DNAH3: variants seen among roughly 807,000 people sequenced by gnomAD.
DNAH3 encodes dynein axonemal heavy chain 3.
In DNAH3, 332 loss-of-function variants were observed where a neutral mutation model predicts 432.5. That is an observed-to-expected ratio of 0.77 (90% CI 0.70 to 0.84). The LOEUF is 0.84. DNAH3 is among the 40% of genes least tolerant of loss of function. The pLI is 0.00. For synonymous variants in DNAH3, 1,956 were observed against 1,900.2 expected, an observed-to-expected ratio of 1.03 and a Z score of -0.76; for missense variants, 4,861 against 5,114.0, an observed-to-expected ratio of 0.95 and a Z score of 1.51.
At chr16:21,017,659 G>A (rs956235107) in intron 41 of DNAH3, among the ~76,000 whole-genome samples, 5 of 152,142 alleles carry the variant, frequency 3.3e-5, no homozygotes, top group African/African-American at 1.2e-4. Context: ...TGTGTCACAG[G>A]CATGCGTCCT....
chr16:21,047,147 ATG>A (rs2089738104), intron 31 of DNAH3, among the ~76,000 whole-genome samples: 1 of 148,712 alleles, frequency 6.7e-6, no homozygotes, highest in African/African-American at 2.5e-5. Context: ...TCTGACAATT[ATG>A]TGTCTTGGAG....
At position 20,985,076 on chromosome 16, in the gene DNAH3, C is replaced by G; in HGVS notation, c.7665+1G>C. The G allele has an allele frequency of 2.5e-6, 4 of 1,609,316 alleles. No homozygotes were observed. Among genetic ancestry groups the G allele is most frequent in the Non-Finnish European group, 3.4e-6 (4 of 1,176,952 alleles). ...AGGACAATGTGAAGGTTCTTTCTCA[C>G]CCTCTCAATAAAGAAGTTATACATA... On this transcript the variant is annotated splice_donor_variant, in intron 48 of 61. Coordinates refer to ENST00000261383, the Ensembl canonical transcript of DNAH3. LOFTEE classifies it high-confidence loss of function.
intron 48 of DNAH3, among the ~76,000 whole-genome samples, chr16:20,984,314 T>G (rs1400667901): frequency 5.3e-5 from 8 of 151,914 alleles, no homozygotes; most frequent in African/African-American, 1.9e-4. Context: ...GCTAGAATGA[T>G]TAGAAAGTTG....
At chr16:20,942,248 T>C (rs382339) in intron 58 of DNAH3, among the ~76,000 whole-genome samples, 10,130 of 152,174 alleles carry the variant, frequency 0.067, 400 homozygotes, top group East Asian at 0.13. Flanking sequence ...CCTGGTGCCA[T>C]GGGGCCCTTT....
chr16:20,982,006 A>C (rs1193308646), intron 49 of DNAH3, among the ~76,000 whole-genome samples: 2 of 142,926 alleles, frequency 1.4e-5, no homozygotes, highest in Non-Finnish European at 3.0e-5. Context: ...ATAATATATA[A>C]TATATATAAT....
intron 38 of DNAH3, among the ~76,000 whole-genome samples, chr16:21,025,675 T>C (rs2088514336): frequency 6.6e-6 from 1 of 151,980 alleles, no homozygotes; most frequent in African/African-American, 2.4e-5. Flanking sequence ...TACTTTATTA[T>C]ACATATTACA....
chr16:21,099,272 GGACA>G (rs143234595), intron 16 of DNAH3, among the ~76,000 whole-genome samples: 8 of 145,658 alleles, frequency 5.5e-5, no homozygotes, highest in Non-Finnish European at 7.6e-5. Flanking sequence ...ATGGATGGAT[GGACA>G]GATGGATGGA....
Position 20,964,696 on chromosome 16 carries a change from G to A in DNAH3, c.9188C>T (p.Ser3063Phe), listed in dbSNP as rs1347566158. The A allele has an allele frequency of 2.5e-6, 4 of 1,614,184 alleles. No homozygotes were observed. The Admixed American group carries it at 5.0e-5, about 20-fold the overall frequency. ...AATGATGCCATTGTCGATGGAGAAG[G>A]AGTCAACGGGAAGCCCAGCAATCTG... Residue 3063 changes from serine (S) to phenylalanine (F), a missense_variant, in exon 53 of 62, where the codon TCC (serine) becomes TTC (phenylalanine). Physicochemically the swap from Ser to Phe is radical, Grantham distance 155. Transcript: ENST00000261383.
rs760967941 is a variant in DNAH3 at position 20,985,592 on chromosome 16, G to A, written c.7150C>T (p.Gln2384Ter). Residue 2384 changes from glutamine (Q) to a stop codon, truncating the protein, a stop_gained, in exon 48 of 62, where the codon CAG becomes TAG. Transcript: ENST00000261383. LOFTEE classifies it high-confidence loss of function. ...TAGTGCTCCATGACCACAGTCAGCTGTTTCAGGTCAGTGATCTCATCGTAG... is the reference window on the plus strand; with the variant it reads ...TAGTGCTCCATGACCACAGTCAGCTATTTCAGGTCAGTGATCTCATCGTAG... 1.2e-6 allele frequency: 2 copies of A among 1,614,110 alleles called. No individual in the cohort carries two copies. Among genetic ancestry groups the A allele is most frequent in the African/African-American group, 1.3e-5 (1 of 74,936 alleles).
At chr16:21,020,412 T>G (rs1399937734) in intron 40 of DNAH3, among the ~76,000 whole-genome samples, 16 of 88,684 alleles carry the variant, frequency 1.8e-4, no homozygotes, top group Non-Finnish European at 3.5e-4. Flanking sequence ...TTTTTTTTTT[T>G]TTTTTTTTGA....
At chr16:20,944,262 A>C (rs1183742356) in intron 58 of DNAH3, among the ~76,000 whole-genome samples, 1 of 152,236 alleles carries the variant, frequency 6.6e-6, no homozygotes, top group African/African-American at 2.4e-5. Context: ...TGGATATAGC[A>C]GAAAACATGA....
At chr16:20,955,700 G>C (rs1477187783) in intron 54 of DNAH3, among the ~76,000 whole-genome samples, 2 of 152,010 alleles carry the variant, frequency 1.3e-5, no homozygotes, top group Admixed American at 1.3e-4. Flanking sequence ...TACAGAAAAA[G>C]TTTGCTGATG....
At chr16:20,977,403 C>A (rs548182448) in intron 50 of DNAH3, among the ~76,000 whole-genome samples, 34 of 152,062 alleles carry the variant, frequency 2.2e-4, no homozygotes, top group Non-Finnish European at 4.3e-4. Flanking sequence ...AACAAACAAA[C>A]AAAAAACCAT....
intron 9 of DNAH3, among the ~76,000 whole-genome samples, chr16:21,124,613 G>T (rs1267098513): frequency 6.6e-6 from 1 of 151,458 alleles, no homozygotes; most frequent in Non-Finnish European, 1.5e-5. Context: ...TCAGATCATG[G>T]TAATTAGCAT....
intron 51 of DNAH3, among the ~76,000 whole-genome samples, chr16:20,971,157 T>G (rs1227638910): frequency 6.6e-6 from 1 of 152,116 alleles, no homozygotes; most frequent in African/African-American, 2.4e-5. Flanking sequence ...CATGAGCCTC[T>G]GTGCTCAGCC....
chr16:21,054,348 G>T (rs2090059562), intron 28 of DNAH3, 72 bp downstream of exon 28: 4 of 1,166,118 alleles, frequency 3.4e-6, no homozygotes, highest in East Asian at 4.8e-5. Flanking sequence ...CCGTCCAGGA[G>T]AACTGAGATG....
chr16:21,047,540 C>T lies in DNAH3; in HGVS notation c.4461+2029G>A, dbSNP rs1229029669. Among the ~76,000 whole-genome samples the T allele has an allele frequency of 2.4e-3, 363 of 151,312 alleles. 4 individuals carry two copies. Among genetic ancestry groups the T allele is most frequent in the Non-Finnish European group, 7.0e-4 (47 of 67,488 alleles). On this transcript the variant is annotated intron_variant, in intron 31 of 61. Coordinates refer to ENST00000261383, the Ensembl canonical transcript of DNAH3. ...TTTCAGCTCCATCAGCTCCTTTAAGCACTTCTCTGTATTGGTTATTCTAGT... is the reference window on the plus strand; with the variant it reads ...TTTCAGCTCCATCAGCTCCTTTAAGTACTTCTCTGTATTGGTTATTCTAGT...
At chr16:20,953,437 G>C (rs1378290310) in intron 55 of DNAH3, among the ~76,000 whole-genome samples, 1 of 152,180 alleles carries the variant, frequency 6.6e-6, no homozygotes, top group Admixed American at 6.5e-5. Flanking sequence ...GGGATTACAG[G>C]TGTGAACCAT....
intron 1 of DNAH3, among the ~76,000 whole-genome samples, chr16:21,146,381 C>A (rs2092783664): frequency 6.6e-6 from 1 of 152,056 alleles, no homozygotes; most frequent in Non-Finnish European, 1.5e-5. Context: ...TATGGTGAAA[C>A]CCTGTCTCTA....
Sources: allele counts gnomAD v4.1 joint callset (sites outside exome capture counted in the v4.1 genomes callset), GRCh38; gene constraint gnomAD v4.1.1; transcripts MANE v1.5; gene names NCBI Gene and HGNC (gene_info 2026-07-23, HGNC 2026-07-21).